The following PHACTR1 variants were observed in gnomAD, a reference collection of about 807,000 sequenced individuals.
The protein encoded by PHACTR1 is RPEL repeat containing 1.
PHACTR1 carries 16 observed loss-of-function variants against 69.2 expected under a neutral mutation model. The observed-to-expected ratio is 0.23, with a 90% CI of 0.16 to 0.35. The LOEUF (loss-of-function observed/expected upper bound fraction) is 0.35. Ranked by LOEUF, PHACTR1 falls within the 10% of genes least tolerant of loss-of-function variation. The pLI is 1.00. For synonymous variants in PHACTR1, 312 were observed against 284.5 expected (o/e 1.10, Z -0.97); for missense variants, 510 against 734.7 (o/e 0.69, Z 3.54).
chr6:12,894,112 C>A (rs1354403761), intron 4 of PHACTR1, among the ~76,000 whole-genome samples: 2 of 152,196 alleles, frequency 1.3e-5, no homozygotes, highest in Non-Finnish European at 2.9e-5. Flanking sequence ...AATGATTGGG[C>A]ACAGGTTCAA....
intron 4 of PHACTR1, among the ~76,000 whole-genome samples, chr6:12,983,760 T>C (rs76977224): frequency 6.6e-6 from 1 of 152,164 alleles, no homozygotes; most frequent in Non-Finnish European, 1.5e-5. Flanking sequence ...AGTGTTCTCA[T>C]TGTTCAATTC....
chr6:13,105,391 C>T (rs1029399435), intron 5 of PHACTR1, among the ~76,000 whole-genome samples: 7 of 149,412 alleles, frequency 4.7e-5, no homozygotes, highest in African/African-American at 1.5e-4. Flanking sequence ...GCGTGTGTGT[C>T]GGGGGCGGGG....
chr6:12,766,600 C>T (rs1024643694), intron 4 of PHACTR1, among the ~76,000 whole-genome samples: 6 of 152,070 alleles, frequency 3.9e-5, no homozygotes, highest in African/African-American at 1.4e-4. Flanking sequence ...ACACATACAC[C>T]ATGGAAGTCA....
chr6:13,016,532 A>G (rs895469829), intron 4 of PHACTR1, among the ~76,000 whole-genome samples: 1 of 152,276 alleles, frequency 6.6e-6, no homozygotes, highest in African/African-American at 2.4e-5. Flanking sequence ...GTTTAAAGAC[A>G]ATCTATAAAG....
intron 10 of PHACTR1, among the ~76,000 whole-genome samples, chr6:13,257,131 C>T (rs1391127232): frequency 6.6e-6 from 1 of 152,156 alleles, no homozygotes; most frequent in Non-Finnish European, 1.5e-5. Flanking sequence ...AGCTGCCAAT[C>T]ATGGCAGAAA....
intron 6 of PHACTR1, among the ~76,000 whole-genome samples, chr6:13,175,014 T>A (rs1278997662): frequency 6.6e-6 from 1 of 152,254 alleles, no homozygotes; most frequent in African/African-American, 2.4e-5. Context: ...GAAATGTTTC[T>A]TTCTCCTTTC....
chr6:12,841,487 G>T (rs1778696896), intron 4 of PHACTR1, among the ~76,000 whole-genome samples: 1 of 152,178 alleles, frequency 6.6e-6, no homozygotes, highest in South Asian at 2.1e-4. Flanking sequence ...CAGAGGAGAA[G>T]AGCATTATAC....
At chr6:13,002,848 A>G (rs1798259787) in intron 4 of PHACTR1, among the ~76,000 whole-genome samples, 1 of 152,246 alleles carries the variant, frequency 6.6e-6, no homozygotes, top group East Asian at 1.9e-4. Context: ...CCGGTAAGTC[A>G]CATGCATTAA....
intron 4 of PHACTR1, among the ~76,000 whole-genome samples, chr6:12,777,128 C>T (rs1770160647): frequency 6.6e-6 from 1 of 151,958 alleles, no homozygotes; most frequent in Non-Finnish European, 1.5e-5. Context: ...GGGTAATACG[C>T]AAACATTTTG....
chr6:13,118,562 T>A (rs376197016), intron 5 of PHACTR1, among the ~76,000 whole-genome samples: 2 of 134,276 alleles, frequency 1.5e-5, no homozygotes, highest in East Asian at 2.4e-4. Flanking sequence ...CACTGCAACC[T>A]CCACCTCCCA....
At chr6:12,730,597 C>T (rs1016050130) in intron 3 of PHACTR1, among the ~76,000 whole-genome samples, 2 of 152,112 alleles carry the variant, frequency 1.3e-5, no homozygotes, top group African/African-American at 4.8e-5. Context: ...ATAGACCTTC[C>T]TTTTTAAAAA....
intron 4 of PHACTR1, among the ~76,000 whole-genome samples, chr6:12,826,306 G>A (rs1776795426): frequency 6.6e-6 from 1 of 152,160 alleles, no homozygotes; most frequent in South Asian, 2.1e-4. Flanking sequence ...TAAAAATAAA[G>A]TATTGGGCAA....
chr6:13,003,912 G>A (rs765935013), intron 4 of PHACTR1, among the ~76,000 whole-genome samples: 11 of 140,170 alleles, frequency 7.8e-5, no homozygotes, highest in Non-Finnish European at 1.4e-4. Flanking sequence ...TGCTGCAAAA[G>A]ACATGATTTC....
chr6:12,722,212 G>C (rs1198643769), intron 3 of PHACTR1, among the ~76,000 whole-genome samples: 2 of 152,182 alleles, frequency 1.3e-5, no homozygotes, highest in East Asian at 3.8e-4. Flanking sequence ...TTGCATTTTT[G>C]AGTAGTCTAT....
chr6:12,861,116 A>G (rs1448495045), intron 4 of PHACTR1, among the ~76,000 whole-genome samples: 1 of 152,232 alleles, frequency 6.6e-6, no homozygotes, highest in African/African-American at 2.4e-5. Context: ...GTAATGAACT[A>G]CCAAAATGTA....
In PHACTR1 at chr6:12,791,069, A is replaced by G. The variant is rs567679121; in HGVS notation, c.250+41279A>G. Among the ~76,000 whole-genome samples, 3 of 152,314 alleles carry G rather than the reference A, an allele frequency of 2.0e-5. No homozygotes were observed. In the East Asian group the frequency reaches 5.8e-4, roughly 29 times the overall value. ...CACTAATTATATGTCATGCATTGGG[A>G]TACACAGGGGAGGTGGCAGGATAAG... On this transcript the variant is annotated intron_variant, in intron 4 of 14. Coordinates refer to ENST00000332995, the MANE Select transcript of PHACTR1 (RefSeq NM_030948.6).
intron 5 of PHACTR1, among the ~76,000 whole-genome samples, chr6:13,055,467 A>T (rs1405491248): frequency 1.3e-5 from 2 of 152,266 alleles, no homozygotes; most frequent in Admixed American, 1.3e-4. Flanking sequence ...AAGCAAAGTA[A>T]GATGTAAGAC....
At chr6:12,891,637 A>G (rs1011209372) in intron 4 of PHACTR1, among the ~76,000 whole-genome samples, 2 of 152,154 alleles carry the variant, frequency 1.3e-5, no homozygotes, top group Admixed American at 1.3e-4. Flanking sequence ...CAAGTTCCAC[A>G]ATGTTTGGTG....
chr6:12,876,151 A>T (rs1466654676), intron 4 of PHACTR1, among the ~76,000 whole-genome samples: 2 of 152,228 alleles, frequency 1.3e-5, no homozygotes, highest in African/African-American at 4.8e-5. Context: ...ACTTAGGAAA[A>T]GGTGCCTCTC....
Sources: allele counts gnomAD v4.1 joint callset (sites outside exome capture counted in the v4.1 genomes callset), GRCh38; gene constraint gnomAD v4.1.1; transcripts MANE v1.5; gene names NCBI Gene and HGNC (gene_info 2026-07-23, HGNC 2026-07-21).